COL19A1: variants seen among roughly 807,000 people sequenced by gnomAD.
COL19A1 encodes the protein collagen type XIX alpha 1 chain.
COL19A1 carries 159 observed loss-of-function variants against 190.2 expected under a neutral mutation model. That is an observed-to-expected ratio of 0.84 (90% CI 0.73 to 0.95). COL19A1 has a LOEUF of 0.95. COL19A1 is among the 40% of genes least tolerant of loss of function. COL19A1 has a pLI of 0.00. For synonymous variants in COL19A1, 509 were observed against 458.9 expected (o/e 1.11, Z -1.39); for missense variants, 1,418 against 1,431.9 (o/e 0.99, Z 0.16).
chr6:69,866,683 C>G (rs1767460433), intron 1 of COL19A1, 43 bp downstream of exon 1: 1 of 152,296 alleles, frequency 6.6e-6, no homozygotes, highest in Admixed American at 6.5e-5. Context: ...CTTGCCCTCT[C>G]ACACATGCCC....
In COL19A1 at chr6:70,102,234, A is replaced by G. The variant is rs1783681141; in HGVS notation, c.1278+12A>G. 1.9e-6 allele frequency: 3 copies of G among 1,584,852 alleles called. No individual in the cohort carries two copies. The highest frequency in any genetic ancestry group is 2.2e-5 in the East Asian group (1 of 44,780). On this transcript the variant is annotated intron_variant, in intron 16 of 50. Transcript: ENST00000620364. ...CCCCAGGACCACCTGTGAGTAAACA[A>G]TACAATGACTGTCCCTTTAAAGAGT... is the stretch of plus-strand genomic sequence containing the variant.
At chr6:70,118,059 C>T (rs1055382149) in intron 16 of COL19A1, among the ~76,000 whole-genome samples, 3 of 152,180 alleles carry the variant, frequency 2.0e-5, no homozygotes, top group Non-Finnish European at 2.9e-5. Flanking sequence ...AGAGCATCTA[C>T]ACCACCATGT....
chr6:70,056,504 C>A (rs1780512532), intron 14 of COL19A1, among the ~76,000 whole-genome samples: 1 of 152,140 alleles, frequency 6.6e-6, no homozygotes, highest in Non-Finnish European at 1.5e-5. Flanking sequence ...TAGAACTACA[C>A]TTACCTCTCC....
At chr6:70,105,537 A>G (rs1227706041) in intron 16 of COL19A1, among the ~76,000 whole-genome samples, 1 of 152,232 alleles carries the variant, frequency 6.6e-6, no homozygotes, top group Non-Finnish European at 1.5e-5. Flanking sequence ...TTTTATTACA[A>G]TTTACAAATA....
rs1335375839 is a variant in COL19A1, at chr6:69,956,395, T to A, written c.937-3601T>A. On this transcript the variant is annotated intron_variant, in intron 9 of 50. Transcript: ENST00000620364. The stretch of plus-strand genomic sequence containing the variant: ...TTTAAATTCTTTGCTATATATATAT[T>A]TTTAACTTGGTAATTTATTTCTTAG... Among the ~76,000 whole-genome samples the A allele has an allele frequency of 2.6e-5, 4 of 152,096 alleles. No individual in the cohort carries two copies. In the East Asian group the frequency reaches 7.7e-4, roughly 29 times the overall value.
chr6:70,187,980 A>C, intron 46 of COL19A1, 95 bp from the exon 47 acceptor site: 4 of 1,406,234 alleles, frequency 2.8e-6, no homozygotes, highest in Non-Finnish European at 3.9e-6. Flanking sequence ...AAGGCCCAAC[A>C]GCTAATAAGT....
chr6:69,943,327 T>A (rs973101824), intron 9 of COL19A1, among the ~76,000 whole-genome samples: 2 of 152,164 alleles, frequency 1.3e-5, no homozygotes, highest in Non-Finnish European at 2.9e-5. Flanking sequence ...GATGAATACC[T>A]TGCAAACGTT....
At chr6:70,186,980 C>T (rs1012320936) in intron 46 of COL19A1, among the ~76,000 whole-genome samples, 2 of 152,238 alleles carry the variant, frequency 1.3e-5, no homozygotes, top group African/African-American at 2.4e-5. Flanking sequence ...CGGGTTCAAG[C>T]GATTCTCCTG....
At chr6:70,084,089 A>G (rs1176719968) in intron 15 of COL19A1, among the ~76,000 whole-genome samples, 1 of 152,194 alleles carries the variant, frequency 6.6e-6, no homozygotes, top group African/African-American at 2.4e-5. Flanking sequence ...AGATTTAAAC[A>G]GATAATCTAT....
chr6:70,125,624 G>C (rs1785150566), intron 17 of COL19A1, among the ~76,000 whole-genome samples: 1 of 152,124 alleles, frequency 6.6e-6, no homozygotes, highest in African/African-American at 2.4e-5. Context: ...AAGCAAATGA[G>C]GAATAGAGAG....
chr6:70,102,882 C>T (rs929901909), intron 16 of COL19A1, among the ~76,000 whole-genome samples: 1 of 152,202 alleles, frequency 6.6e-6, no homozygotes, highest in African/African-American at 2.4e-5. Context: ...CTTCTTCTTA[C>T]TTTACTGCTA....
At chr6:70,028,212 A>T (rs1412013015) in intron 12 of COL19A1, among the ~76,000 whole-genome samples, 2 of 152,194 alleles carry the variant, frequency 1.3e-5, no homozygotes, top group Non-Finnish European at 2.9e-5. Flanking sequence ...AAGAAAGGCC[A>T]GATGGTTGAA....
intron 14 of COL19A1, among the ~76,000 whole-genome samples, chr6:70,045,058 A>G (rs1268546379): frequency 1.3e-5 from 2 of 152,070 alleles, no homozygotes; most frequent in African/African-American, 4.8e-5. Context: ...CACACCTGTA[A>G]TCCCAGCACT....
intron 11 of COL19A1, 116 bp from the exon 12 acceptor site, chr6:70,023,511 A>G: frequency 1.3e-6 from 1 of 775,536 alleles, no homozygotes; most frequent in East Asian, 2.8e-5. Context: ...CGTGCCTTTC[A>G]AGGGTTTAGC....
At chr6:70,063,486 G>T (rs1438450950) in intron 14 of COL19A1, among the ~76,000 whole-genome samples, 1 of 152,182 alleles carries the variant, frequency 6.6e-6, no homozygotes, top group Non-Finnish European at 1.5e-5. Flanking sequence ...AAAGCAGTGT[G>T]TAGAGGGAAA....
At chr6:70,119,869 T>C (rs1784784784) in intron 16 of COL19A1, among the ~76,000 whole-genome samples, 1 of 152,150 alleles carries the variant, frequency 6.6e-6, no homozygotes, top group African/African-American at 2.4e-5. Context: ...GGCAGGTGGA[T>C]CACTTGAGGT....
chr6:70,033,138 A>G (rs1295242342), intron 12 of COL19A1, among the ~76,000 whole-genome samples: 4 of 152,172 alleles, frequency 2.6e-5, no homozygotes, highest in African/African-American at 9.6e-5. Flanking sequence ...TATTGTTTTC[A>G]TCCATTAAAA....
At chr6:69,949,589 G>T (rs1774010040) in intron 9 of COL19A1, among the ~76,000 whole-genome samples, 1 of 151,688 alleles carries the variant, frequency 6.6e-6, no homozygotes, top group African/African-American at 2.4e-5. Context: ...AAATATTTCT[G>T]TTATTTTACA....
rs1768012447 is a variant in COL19A1, at chr6:70,208,277, G to C, written c.*1003G>C. 6.6e-6 allele frequency: 1 copy of C among 152,240 alleles called. No individual in the cohort carries two copies. The highest frequency in any genetic ancestry group is 1.5e-5 in the Non-Finnish European group (1 of 68,062). 9.4% of individuals were successfully genotyped at this position (152,240 alleles called of 1,614,324 possible). On this transcript the variant is annotated 3_prime_UTR_variant, in exon 51 of 51. Transcript: ENST00000620364. ...CAAAGGATGGGATACGTATAGAATG[G>C]ACTCACTTGTCCTAGAAGATGAATG...
Sources: gnomAD v4.1 joint callset for allele counts (sites outside exome capture counted in the v4.1 genomes callset) on GRCh38, gnomAD v4.1.1 for gene constraint, MANE v1.5 for transcripts, NCBI Gene and HGNC (gene_info 2026-07-23, HGNC 2026-07-21) for gene names.